TMEM218: variants seen among roughly 807,000 people sequenced by gnomAD.
TMEM218 encodes the protein transmembrane protein 218.
TMEM218 carries 8 observed loss-of-function variants against 10.0 expected under a neutral mutation model. The ratio of observed to expected loss-of-function variants is 0.80; its 90% CI spans 0.47 to 1.44. The LOEUF (loss-of-function observed/expected upper bound fraction) is 1.44, where lower values mean the gene tolerates loss of function less well. TMEM218 is among the 40% of genes most tolerant of loss of function. TMEM218 has a pLI of 0.00. For synonymous variants in TMEM218, 66 were observed against 63.5 expected, an observed-to-expected ratio of 1.04 and a Z score of -0.18; for missense variants, 110 against 140.1, an observed-to-expected ratio of 0.79 and a Z score of 1.08.
rs750263346 is a variant in TMEM218, at chr11:125,097,727, A to G, written c.227T>C (p.Phe76Ser). ...CAGCAGGACATAGCGGCCAATGAAA[A>G]AGTCATCCACAATCTGGAGAAAGAA... ...PEVEVKIVDD[F>S]FIGRYVLLAF... The change falls in exon 5 of 5, where the codon TTT (phenylalanine) becomes TCT (serine). Residue 76 changes from phenylalanine (F) to serine (S), a missense_variant. By Grantham distance (155) the Phe-to-Ser change is radical. Transcript: ENST00000682305. 4.3e-6 allele frequency: 7 copies of G among 1,613,638 alleles called. No individual in the cohort carries two copies. Among genetic ancestry groups the G allele is most frequent in the African/African-American group, 1.3e-5 (1 of 74,888 alleles).
chr11:125,097,835 C>T, intron 4 of TMEM218, 95 bp from the exon 5 acceptor site: 1 of 1,232,706 alleles, frequency 8.1e-7, no homozygotes, highest in Non-Finnish European at 1.1e-6. Flanking sequence ...AGAGTTAGTT[C>T]ATGTGTATAA....
intron 1 of TMEM218, among the ~76,000 whole-genome samples, chr11:125,107,928 A>G (rs1284295159): frequency 6.6e-6 from 1 of 151,860 alleles, no homozygotes; most frequent in Admixed American, 6.6e-5. Flanking sequence ...ATAAAGAAAT[A>G]AAGCAGACCT....
chr11:125,105,716 T>C (rs893048327), intron 1 of TMEM218, among the ~76,000 whole-genome samples: 1 of 150,192 alleles, frequency 6.7e-6, no homozygotes, highest in Admixed American at 6.6e-5. Context: ...AACATACAGG[T>C]AAACAGCAAG....
intron 1 of TMEM218, chr11:125,104,664 C>G (rs184495115): frequency 6.6e-6 from 1 of 152,298 alleles, no homozygotes. Context: ...TTATGCACAA[C>G]AAGTATCTGT....
At chr11:125,107,964 G>A (rs1473541661) in intron 1 of TMEM218, among the ~76,000 whole-genome samples, 2 of 150,226 alleles carry the variant, frequency 1.3e-5, no homozygotes, top group African/African-American at 4.9e-5. Context: ...CTGTGTTCCC[G>A]GATGGGATGG....
chr11:125,101,419 T>A, intron 3 of TMEM218, 116 bp from the exon 4 acceptor site: 1 of 1,522,834 alleles, frequency 6.6e-7, no homozygotes, highest in Non-Finnish European at 8.8e-7. Flanking sequence ...CCCTTAACAA[T>A]GTCCAGAGGC....
rs770218155 is a variant in TMEM218 at position 125,097,556 on chromosome 11, A to G, written c.*50T>C. ...CTGAATAGTGCCTTCCTGCTCATCA[A>G]TGTCATCACAATGAAGGAGAGAACA... On this transcript the variant is annotated 3_prime_UTR_variant, in exon 5 of 5. Transcript: ENST00000682305. 22 of 1,598,824 alleles carry G rather than the reference A, an allele frequency of 1.4e-5. No homozygotes were observed. The highest frequency in any genetic ancestry group is 6.7e-5 in the African/African-American group (5 of 74,330).
chr11:125,102,277 C>T lies in TMEM218; in HGVS notation c.-36G>A, dbSNP rs370572577. 297 of 1,602,074 alleles carry T rather than the reference C, an allele frequency of 1.9e-4. 2 individuals carry two copies. In the South Asian group the frequency reaches 2.4e-3, roughly 13 times the overall value. The stretch of plus-strand genomic sequence containing the variant: ...GGCAGCGGCGGCCCCCCGCCCTGCG[C>T]GCCGCACGATCGAGTGTCCTCTGTG... On this transcript the variant is annotated 5_prime_UTR_variant, in exon 3 of 5. Coordinates refer to ENST00000682305, the MANE Select transcript of TMEM218 (RefSeq NM_001258244.2).
chr11:125,107,445 T>C (rs1428068432), intron 1 of TMEM218, among the ~76,000 whole-genome samples: 2 of 152,140 alleles, frequency 1.3e-5, no homozygotes, highest in Admixed American at 6.5e-5. Flanking sequence ...AAACCTTTTA[T>C]GAAATGATTG....
Position 125,102,333 on chromosome 11 carries a change from T to A in TMEM218, c.-76-16A>T. 1 of 1,549,530 alleles carries A rather than the reference T, an allele frequency of 6.5e-7. No individual in the cohort carries two copies. The highest frequency in any genetic ancestry group is 2.0e-5 in the Admixed American group (1 of 49,854). ...GTGCAACACACTCCCGTGAAAGCAT[T>A]CAGACAAATACAGAAAGCCTAAACT... is the stretch of plus-strand genomic sequence containing the variant. On this transcript the variant is annotated splice_polypyrimidine_tract_variant and intron_variant, in intron 2 of 4. Transcript: ENST00000682305.
rs199570143 is a variant in TMEM218 at position 125,111,096 on chromosome 11, GT to G, written c.-153+442del. The stretch of plus-strand genomic sequence containing the variant: ...TTGCATCCCTCTCCTGGACGGTGTT[GT>G]GGGTTGGAAGCGCTGCAGAGCCTCG... On this transcript the variant is annotated intron_variant, in intron 1 of 4. Coordinates refer to ENST00000682305, the MANE Select transcript of TMEM218 (RefSeq NM_001258244.2). 9.7e-3 allele frequency among the ~76,000 whole-genome samples: 1,475 copies of G among 152,250 alleles called. 25 individuals carry two copies. Among genetic ancestry groups the G allele is most frequent in the African/African-American group, 0.034 (1,402 of 41,538 alleles).
rs933921286 is a variant in TMEM218, at chr11:125,108,624, A to G, written c.-153+2915T>C. On this transcript the variant is annotated intron_variant, in intron 1 of 4. Coordinates refer to ENST00000682305, the MANE Select transcript of TMEM218 (RefSeq NM_001258244.2). The surrounding 1 kb of genome is among the most constrained non-coding windows in gnomAD (Gnocchi z 5.3). ...GCTGCCTTCAGTTATGTGATTTGCT[A>G]GAGTGATGAACAACTCTTGTTAAAG... Among the ~76,000 whole-genome samples the G allele has an allele frequency of 3.3e-5, 5 of 152,202 alleles. No individual in the cohort carries two copies. The highest frequency in any genetic ancestry group is 5.9e-5 in the Non-Finnish European group (4 of 68,014).
intron 1 of TMEM218, among the ~76,000 whole-genome samples, chr11:125,107,360 G>T (rs750326930): frequency 7.9e-5 from 12 of 152,134 alleles, no homozygotes; most frequent in Non-Finnish European, 1.5e-4. Flanking sequence ...TTTACAGAAA[G>T]AATATTAAGA....
intron 4 of TMEM218, among the ~76,000 whole-genome samples, chr11:125,100,782 C>T (rs1184571166): frequency 3.9e-5 from 6 of 152,188 alleles, no homozygotes; most frequent in South Asian, 2.1e-4. Context: ...CAGGGCACCA[C>T]ATCAATTTCA....
rs770218155 is a variant in TMEM218 at position 125,097,556 on chromosome 11, A to T, written c.*50T>A. ...CTGAATAGTGCCTTCCTGCTCATCA[A>T]TGTCATCACAATGAAGGAGAGAACA... On this transcript the variant is annotated 3_prime_UTR_variant, in exon 5 of 5. Coordinates refer to ENST00000682305, the MANE Select transcript of TMEM218 (RefSeq NM_001258244.2). 100 of 1,598,942 alleles carry T rather than the reference A, an allele frequency of 6.3e-5. 1 individual carries two copies. In the Admixed American group the frequency reaches 1.7e-3, roughly 27 times the overall value.
intron 1 of TMEM218, 153 bp from the exon 2 acceptor site, chr11:125,102,962 T>C (rs1951179975): frequency 3.8e-6 from 1 of 264,068 alleles, no homozygotes; most frequent in Non-Finnish European, 7.5e-6. Context: ...ATAAGCGCGA[T>C]GGGGTATCTA....
chr11:125,110,244 A>G (rs1953468864), intron 1 of TMEM218, among the ~76,000 whole-genome samples: 1 of 152,224 alleles, frequency 6.6e-6, no homozygotes, highest in African/African-American at 2.4e-5. Flanking sequence ...ACCTTCTTTG[A>G]GAAGTGATGG....
chr11:125,095,373 G>A lies in TMEM218; in HGVS notation c.*2233C>T, dbSNP rs567651129. ...AATGACCTCTGAGCCCTGTCTCCAA[G>A]AAGGCCATGAGCATACAGGGTACCA... On this transcript the variant is annotated 3_prime_UTR_variant, in exon 5 of 5. Transcript: ENST00000682305. Among the ~76,000 whole-genome samples, 20 of 152,176 alleles carry A rather than the reference G, an allele frequency of 1.3e-4. No individual in the cohort carries two copies. Among genetic ancestry groups the A allele is most frequent in the Non-Finnish European group, 2.5e-4 (17 of 68,024 alleles).
At chr11:125,100,324 C>T (rs1950505396) in intron 4 of TMEM218, among the ~76,000 whole-genome samples, 1 of 152,214 alleles carries the variant, frequency 6.6e-6, no homozygotes, top group South Asian at 2.1e-4. Flanking sequence ...TAACCTCTGA[C>T]AGACTCAGTG....
Sources: gnomAD v4.1 joint callset for allele counts (sites outside exome capture counted in the v4.1 genomes callset) on GRCh38, gnomAD v4.1.1 for gene constraint, Gnocchi (gnomAD v3.1) non-coding constraint, MANE v1.5 for transcripts, NCBI Gene and HGNC (gene_info 2026-07-23, HGNC 2026-07-21) for gene names.